The following CIROZ variants were observed in gnomAD, a reference collection of about 807,000 sequenced individuals.
CIROZ encodes the protein ciliated left-right organizer ZP-N domains-containing protein.
chr1:10,948,384 G>A, the CIROZ span: 1 of 1,613,258 alleles, frequency 6.2e-7, no homozygotes, highest in East Asian at 2.2e-5. Flanking sequence ...CTCCTCACTG[G>A]CTTGGCCGGG....
the CIROZ span, chr1:10,947,824 G>T: frequency 3.0e-4 from 484 of 1,599,900 alleles, 2 homozygotes; most frequent in South Asian, 9.0e-4. Flanking sequence ...AGGCTGGGTA[G>T]CAACACTCCT....
the CIROZ span, among the ~76,000 whole-genome samples, chr1:10,972,425 ACACACACACACACAC>A: frequency 3.7e-3 from 510 of 139,378 alleles, no homozygotes; most frequent in Non-Finnish European, 6.0e-3. Flanking sequence ...TGAAATACAC[ACACACACACACACAC>A]ACACACACAC....
chr1:10,960,093 AGAAG>A, the CIROZ span, among the ~76,000 whole-genome samples: 1 of 152,200 alleles, frequency 6.6e-6, no homozygotes, highest in Non-Finnish European at 1.5e-5. This position sits in a 1 kb window ranked among gnomAD's most constrained non-coding sequence, Gnocchi z 4.6. Context: ...TTCTGCTAAA[AGAAG>A]GAAGGGAAGG....
At chr1:10,960,999 G>GCC in the CIROZ span, among the ~76,000 whole-genome samples, 299 of 151,910 alleles carry the variant, frequency 2.0e-3, 5 homozygotes, top group African/African-American at 6.4e-3. The surrounding 1 kb of genome is among the most constrained non-coding windows in gnomAD (Gnocchi z 4.6). Flanking sequence ...CGGATGCAGA[G>GCC]CCCCCCCCAC....
the CIROZ span, chr1:10,948,940 A>G: frequency 8.0e-7 from 1 of 1,245,266 alleles, no homozygotes; most frequent in Non-Finnish European, 1.1e-6. Flanking sequence ...GATGGGTTCG[A>G]GGGACCGGGT....
At chr1:10,967,160 A>G in the CIROZ span, among the ~76,000 whole-genome samples, 2 of 135,528 alleles carry the variant, frequency 1.5e-5, no homozygotes, top group Non-Finnish European at 3.1e-5. Context: ...AAAAAGAAAA[A>G]AAAAAAAAAA....
the CIROZ span, chr1:10,954,903 G>T: frequency 7.2e-7 from 1 of 1,395,346 alleles, no homozygotes; most frequent in Non-Finnish European, 9.7e-7. Flanking sequence ...TACCTTCCAT[G>T]TTTCTGACCA....
At chr1:10,957,021 AC>A in the CIROZ span, 1 of 1,550,498 alleles carries the variant, frequency 6.4e-7, no homozygotes, top group South Asian at 1.2e-5. Context: ...CCTGGGTCTT[AC>A]CCGGTGGGCA....
the CIROZ span, among the ~76,000 whole-genome samples, chr1:10,975,487 G>T: frequency 6.6e-6 from 1 of 151,322 alleles, no homozygotes; most frequent in Non-Finnish European, 1.5e-5. Flanking sequence ...CACTCAGGAG[G>T]CTGAGGCTGG....
chr1:10,958,363 A>G, the CIROZ span, among the ~76,000 whole-genome samples: 1 of 152,356 alleles, frequency 6.6e-6, no homozygotes, highest in Non-Finnish European at 1.5e-5. Context: ...CACCTGTGCA[A>G]CATGGAACAA....
At chr1:10,954,576 G>A in the CIROZ span, among the ~76,000 whole-genome samples, 5 of 152,168 alleles carry the variant, frequency 3.3e-5, no homozygotes, top group Admixed American at 1.3e-4. Context: ...ACGGGCCTGA[G>A]GAGCATACAT....
the CIROZ span, chr1:10,966,324 T>TAAAAA: frequency 8.3e-7 from 1 of 1,207,438 alleles, no homozygotes; most frequent in Middle Eastern, 2.0e-4. Context: ...AATCTCCCTT[T>TAAAAA]AAAAAAAAAA....
chr1:10,955,747 G>A, the CIROZ span, among the ~76,000 whole-genome samples: 2 of 151,742 alleles, frequency 1.3e-5, no homozygotes, highest in African/African-American at 4.9e-5. Flanking sequence ...GGGAGGCTGA[G>A]GCAGGAGAAT....
At chr1:10,952,099 A>G in the CIROZ span, among the ~76,000 whole-genome samples, 1 of 152,198 alleles carries the variant, frequency 6.6e-6, no homozygotes, top group African/African-American at 2.4e-5. Context: ...GCCTGTCAAG[A>G]ATAAGAAGCC....
At chr1:10,951,006 A>C in the CIROZ span, among the ~76,000 whole-genome samples, 7 of 151,902 alleles carry the variant, frequency 4.6e-5, no homozygotes, top group Admixed American at 4.6e-4. Context: ...ACTCCCTGTC[A>C]CCTCCAACAC....
chr1:10,956,596 C>T, the CIROZ span, among the ~76,000 whole-genome samples: 1 of 152,028 alleles, frequency 6.6e-6, no homozygotes, highest in Non-Finnish European at 1.5e-5. Context: ...CTGCCTCAGC[C>T]TCCTGAGTAG....
the CIROZ span, chr1:10,958,589 C>A: frequency 1.8e-6 from 2 of 1,140,360 alleles, no homozygotes; most frequent in Non-Finnish European, 2.6e-6. Flanking sequence ...AGAGTCTGTA[C>A]CATCCACGAC....
the CIROZ span, chr1:10,955,279 C>T: frequency 1.6e-5 from 20 of 1,214,956 alleles, no homozygotes; most frequent in Admixed American, 3.7e-4. Context: ...AGGGGCCACA[C>T]CTGTGGCCGG....
the CIROZ span, chr1:10,957,613 G>T: frequency 6.2e-7 from 1 of 1,613,850 alleles, no homozygotes; most frequent in South Asian, 1.1e-5. Context: ...GCCCACCACT[G>T]ACCTCCCACC....
Sources: gnomAD v4.1 joint callset for allele counts (sites outside exome capture counted in the v4.1 genomes callset) on GRCh38, gnomAD v4.1.1 for gene constraint, Gnocchi (gnomAD v3.1) non-coding constraint, MANE v1.5 for transcripts, NCBI Gene and HGNC (gene_info 2026-07-23, HGNC 2026-07-21) for gene names.